The following COL2A1 variants were observed in gnomAD, a reference collection of about 807,000 sequenced individuals.
COL2A1 encodes collagen alpha-1(II) chain.
A neutral mutation model predicts 204.5 loss-of-function variants in COL2A1; 28 were observed. The observed-to-expected ratio is 0.14, with a 90% CI of 0.10 to 0.19. The LOEUF (loss-of-function observed/expected upper bound fraction) is 0.19, where lower values mean the gene tolerates loss of function less well. Ranked by LOEUF, COL2A1 falls within the 10% of genes least tolerant of loss-of-function variation. The pLI is 1.00. For missense variants in COL2A1, 1,388 were observed against 2,027.5 expected (o/e 0.68, Z 6.06); for synonymous variants, 708 against 718.7 (o/e 0.99, Z 0.24).
At position 47,979,539 on chromosome 12, in the gene COL2A1, G is replaced by A. The variant is rs1213623474; in HGVS notation, c.2705C>T (p.Ala902Val). The A allele has an allele frequency of 6.2e-7, 1 of 1,613,448 alleles. No individual in the cohort carries two copies. The highest frequency in any genetic ancestry group is 2.2e-5 in the East Asian group (1 of 44,854). The change falls in exon 41 of 54, where the codon GCT becomes GTT. Residue 902 changes from alanine to valine, a missense_variant. Ala to Val is a moderately conservative substitution (Grantham distance 64). Transcript: ENST00000380518. ...GGAGCCTGGGGGTCCAACGCGGCCA[G>A]CAGCTCCAGGGAATCCAGTGGCTCC... is the stretch of plus-strand genomic sequence containing the variant. ...PPGATGFPGA[A>V]GRVGPPGSNG...
At position 47,986,553 on chromosome 12, in the gene COL2A1, G is replaced by GC. The variant is rs200120095; in HGVS notation, c.1420-111_1420-110insG. The stretch of plus-strand genomic sequence containing the variant: ...CTTGGCAACTGTTTCAGGGCTGGGG[G>GC]GGGGCTTGAGGACGAGAGGCCATAA... On this transcript the variant is annotated intron_variant, in intron 22 of 53. Coordinates refer to ENST00000380518, the MANE Select transcript of COL2A1 (RefSeq NM_001844.5). 3,774 of 761,542 alleles carry GC rather than the reference G, an allele frequency of 5.0e-3. 30 individuals are homozygous for GC. The highest frequency in any genetic ancestry group is 0.017 in the Middle Eastern group (49 of 2,932). 47.2% of individuals were successfully genotyped at this position (761,542 alleles called of 1,614,324 possible). A position where few individuals can be genotyped will look rare whatever the true frequency, so the allele number is the denominator to read the frequency against.
Position 47,982,513 on chromosome 12 carries a change from T to G in COL2A1, c.2290A>C (p.Lys764Gln). ...ACCTCAGTACTTACCCTGTCGCCTT[T>G]GGGCCCAGCGATACCAGCTGCTCCC... ...ERGAAGIAGP[K>Q]GDRGDVGEKG... Residue 764 changes from lysine to glutamine, a missense_variant, in exon 34 of 54, where the codon AAA (lysine) becomes CAA (glutamine). This residue lies in a region of COL2A1 where 884 missense variants were observed against 1,415.8 expected (regional missense o/e 0.62). Coordinates refer to ENST00000380518, the MANE Select transcript of COL2A1 (RefSeq NM_001844.5). The G allele has an allele frequency of 6.2e-7, 1 of 1,613,516 alleles. No individual in the cohort carries two copies. The highest frequency in any genetic ancestry group is 8.5e-7 in the Non-Finnish European group (1 of 1,179,580).
intron 47 of COL2A1, 84 bp from the exon 48 acceptor site, chr12:47,977,003 C>G: frequency 6.5e-7 from 1 of 1,538,468 alleles, no homozygotes; most frequent in Non-Finnish European, 8.9e-7. Flanking sequence ...GAGGAATCCC[C>G]GGAAACACAG....
chr12:47,983,577 G>A (rs1384290441), intron 30 of COL2A1, 106 bp downstream of exon 30: 1 of 1,441,118 alleles, frequency 6.9e-7, no homozygotes, highest in Non-Finnish European at 9.6e-7. Context: ...TCGATGCCTG[G>A]CACCCTGCAA....
rs560891632 is a variant in COL2A1, at chr12:47,981,116, G to C, written c.2464-148C>G. The C allele has an allele frequency of 9.7e-6, 9 of 928,778 alleles. No homozygotes were observed. In the East Asian group the frequency reaches 2.1e-4, roughly 22 times the overall value. 57.5% of individuals were successfully genotyped at this position (928,778 alleles called of 1,614,324 possible). ...AGCCTTAGTCCTGAACGCAGGCAGA[G>C]GCTCTGTTAACCCAAAAGCCCTCAC... On this transcript the variant is annotated intron_variant, in intron 37 of 53. Coordinates refer to ENST00000380518, the MANE Select transcript of COL2A1 (RefSeq NM_001844.5).
chr12:47,996,556 C>G lies in COL2A1; in HGVS notation c.601G>C (p.Gly201Arg). ...AGGAQLGVMQ[G>R]PMGPMGPRGP... is the part of the protein sequence containing the mutation. ...CTAGTGTCTTTTCTTACCATTGGTC[C>G]TTGCATTACTCCCAACTGGGCGCCA... is the stretch of plus-strand genomic sequence containing the variant. Residue 201 changes from glycine (G) to arginine (R), a missense_variant, in exon 8 of 54, where the codon GGA becomes CGA. Transcript: ENST00000380518. The G allele has an allele frequency of 6.2e-7, 1 of 1,614,070 alleles. No individual in the cohort carries two copies. The highest frequency in any genetic ancestry group is 8.5e-7 in the Non-Finnish European group (1 of 1,179,914).
At chr12:47,982,379 T>C (rs1480785858) in intron 34 of COL2A1, 123 bp downstream of exon 34, 1 of 882,970 alleles carries the variant, frequency 1.1e-6, no homozygotes, top group African/African-American at 1.7e-5. Flanking sequence ...GTCTTTAAGC[T>C]CCTCAAAAAG....
At position 47,976,932 on chromosome 12, in the gene COL2A1, C is replaced by T. The variant is rs373278655; in HGVS notation, c.3328-13G>A. ...GGCCTTGAGGACCCTGGGAACAAGA[C>T]AGACACCGATTGAGTCAGGTCAGGG... On this transcript the variant is annotated splice_polypyrimidine_tract_variant and intron_variant, in intron 47 of 53. Transcript: ENST00000380518. The surrounding 1 kb of genome is among the most constrained non-coding windows in gnomAD (Gnocchi z 4.3). The T allele has an allele frequency of 5.6e-6, 9 of 1,593,842 alleles. No homozygotes were observed. Among genetic ancestry groups the T allele is most frequent in the Non-Finnish European group, 7.7e-6 (9 of 1,168,436 alleles).
At position 47,976,207 on chromosome 12, in the gene COL2A1, C is replaced by T; in HGVS notation, c.3490-137G>A. ...TCTTCACATGCTCAGTCATGGAACC[C>T]TAAGTTGGTCTCTATTTGGCCAAGA... is the stretch of plus-strand genomic sequence containing the variant. On this transcript the variant is annotated intron_variant, in intron 49 of 53. Transcript: ENST00000380518. The surrounding 1 kb of genome is among the most constrained non-coding windows in gnomAD (Gnocchi z 4.3). 1.3e-6 allele frequency: 1 copy of T among 753,894 alleles called. No homozygotes were observed. Among genetic ancestry groups the T allele is most frequent in the East Asian group, 2.6e-5 (1 of 38,464 alleles). 46.7% of individuals were successfully genotyped at this position (753,894 alleles called of 1,614,324 possible).
In COL2A1 at chr12:47,978,193, G is replaced by A; in HGVS notation, c.3004-76C>T. The A allele has an allele frequency of 6.3e-7, 1 of 1,579,670 alleles. No homozygotes were observed. Among genetic ancestry groups the A allele is most frequent in the East Asian group, 2.3e-5 (1 of 43,832 alleles). On this transcript the variant is annotated intron_variant, in intron 43 of 53. Coordinates refer to ENST00000380518, the MANE Select transcript of COL2A1 (RefSeq NM_001844.5). This position sits in a 1 kb window ranked among gnomAD's most constrained non-coding sequence, Gnocchi z 5.5. ...CCAGGGCCCACTGACCCTTCAGGGA[G>A]AGGGCAGACAAGGGACAGTCCTGAG...
chr12:48,003,567 T>A (rs985700239), intron 1 of COL2A1, among the ~76,000 whole-genome samples: 4 of 151,814 alleles, frequency 2.6e-5, no homozygotes, highest in African/African-American at 9.7e-5. Flanking sequence ...CGGAGGGAAG[T>A]CGAGATGAGC....
chr12:47,996,929 G>A (rs770260426), intron 7 of COL2A1, among the ~76,000 whole-genome samples: 43 of 152,296 alleles, frequency 2.8e-4, no homozygotes, highest in Admixed American at 1.3e-3. Flanking sequence ...GTTATTTAAC[G>A]TATATGGAGA....
Position 47,978,766 on chromosome 12 carries a change from G to T in COL2A1, c.2734-8C>A, listed in dbSNP as rs1418791473. ...AGGGGGTCCAGGGTTGCCCTAGAAGGAGAAAATGCGGGAAGTGAGGACTCA... is the reference window on the plus strand; with the variant it reads ...AGGGGGTCCAGGGTTGCCCTAGAAGTAGAAAATGCGGGAAGTGAGGACTCA... On this transcript the variant is annotated splice_polypyrimidine_tract_variant and splice_region_variant and intron_variant, in intron 41 of 53. Transcript: ENST00000380518. This position sits in a 1 kb window ranked among gnomAD's most constrained non-coding sequence, Gnocchi z 5.5. 1 of 1,612,322 alleles carries T rather than the reference G, an allele frequency of 6.2e-7. No homozygotes were observed. Among genetic ancestry groups the T allele is most frequent in the East Asian group, 2.2e-5 (1 of 44,864 alleles).
At position 47,994,404 on chromosome 12, in the gene COL2A1, C is replaced by T; in HGVS notation, c.816+20G>A. 1 of 1,614,042 alleles carries T rather than the reference C, an allele frequency of 6.2e-7. No homozygotes were observed. The highest frequency in any genetic ancestry group is 1.1e-5 in the South Asian group (1 of 91,028). On this transcript the variant is annotated intron_variant, in intron 12 of 53. Transcript: ENST00000380518. ...GAGACGCTAGGAAAGATGCCTGAGG[C>T]TGGGAACGGTGGCGTTTACCTGAGG...
At chr12:47,989,091 G>A (rs1168251554) in intron 18 of COL2A1, 137 bp downstream of exon 18, 2 of 740,592 alleles carry the variant, frequency 2.7e-6, no homozygotes, top group African/African-American at 3.5e-5. Flanking sequence ...TGGATGGAGG[G>A]GCCAGTGGGT....
chr12:47,983,849 AC>A, intron 29 of COL2A1, 113 bp from the exon 30 acceptor site: 1 of 1,139,924 alleles, frequency 8.8e-7, no homozygotes, highest in Non-Finnish European at 1.3e-6. Context: ...GTCTTCCTGC[AC>A]CACTCAGACA....
At chr12:47,990,081 A>G (rs1480600485) in intron 16 of COL2A1, among the ~76,000 whole-genome samples, 1 of 152,170 alleles carries the variant, frequency 6.6e-6, no homozygotes, top group Non-Finnish European at 1.5e-5. Flanking sequence ...GTCTTGGCTC[A>G]CTACAACCTC....
chr12:47,986,810 C>T, intron 22 of COL2A1, 25 bp downstream of exon 22: 1 of 1,614,074 alleles, frequency 6.2e-7, no homozygotes, highest in Non-Finnish European at 8.5e-7. Context: ...GCAGAGAAGA[C>T]AAGGGCTTGG....
chr12:47,983,387 G>T lies in COL2A1; in HGVS notation c.2047C>A (p.Gln683Lys), dbSNP rs1003758989. 1.3e-5 allele frequency: 21 copies of T among 1,613,980 alleles called. No individual in the cohort carries two copies. Among genetic ancestry groups the T allele is most frequent in the Non-Finnish European group, 1.8e-5 (21 of 1,179,872 alleles). The change falls in exon 31 of 54, where the codon CAG (glutamine) becomes AAG (lysine). Residue 683 changes from glutamine (Q) to lysine (K), a missense_variant and splice_region_variant. Gln to Lys is a moderately conservative substitution (Grantham distance 53). Transcript: ENST00000380518. ...PPGEGGKPGD[Q>K]GVPGEAGAPG... Reference sequence around the variant, plus strand: ...GGTCCAAAGAGCCCCATACTCACCTGGTCACCTGGTTTTCCACCTTCACCT... The same window carrying T: ...GGTCCAAAGAGCCCCATACTCACCTTGTCACCTGGTTTTCCACCTTCACCT...
Sources: allele counts gnomAD v4.1 joint callset (sites outside exome capture counted in the v4.1 genomes callset), GRCh38; gene constraint gnomAD v4.1.1; regional missense constraint gnomAD v4.1.1; non-coding constraint Gnocchi (gnomAD v3.1); transcripts MANE v1.5; gene names NCBI Gene and HGNC (gene_info 2026-07-23, HGNC 2026-07-21).